Variants in MUC13 observed in about 807,000 individuals in gnomAD.
The protein encoded by MUC13 is mucin-13.
Under a neutral mutation model 48.3 loss-of-function variants are expected in MUC13, and 32 were observed. The ratio of observed to expected loss-of-function variants is 0.66; its 90% CI spans 0.50 to 0.89. MUC13 has a LOEUF of 0.89. Ranked by LOEUF, MUC13 falls within the 40% of genes least tolerant of loss-of-function variation. The pLI, the probability that MUC13 is intolerant of heterozygous loss-of-function variation, is 0.00. For missense variants in MUC13, 571 were observed against 622.8 expected (o/e 0.92, Z 0.88); for synonymous variants, 199 against 224.9 (o/e 0.88, Z 1.03).
chr3:124,910,173 T>G (rs1202127356), intron 10 of MUC13, among the ~76,000 whole-genome samples: 1 of 152,156 alleles, frequency 6.6e-6, no homozygotes, highest in Non-Finnish European at 1.5e-5. Flanking sequence ...TCCCTTCTCT[T>G]GCCCAGGAGA....
chr3:124,913,777 C>A, intron 6 of MUC13, 96 bp from the exon 7 acceptor site: 1 of 1,470,672 alleles, frequency 6.8e-7, no homozygotes, highest in Non-Finnish European at 9.4e-7. Context: ...TTATACTTTG[C>A]CTTTTAATAA....
chr3:124,922,328 G>A (rs754017140), intron 3 of MUC13, 25 bp from the exon 4 acceptor site: 1 of 1,604,540 alleles, frequency 6.2e-7, no homozygotes, highest in Non-Finnish European at 8.5e-7. Context: ...GAATCTTTCT[G>A]TACTATTTGA....
chr3:124,916,548 C>T lies in MUC13; in HGVS notation c.801-68G>A, dbSNP rs921842707. 11 of 1,497,992 alleles carry T rather than the reference C, an allele frequency of 7.3e-6. No individual in the cohort carries two copies. The African/African-American group carries it at 1.3e-4, about 17-fold the overall frequency. 92.8% of individuals were successfully genotyped at this position (1,497,992 alleles called of 1,614,324 possible). On this transcript the variant is annotated intron_variant, in intron 5 of 11. Transcript: ENST00000616727. ...GAATCAACAAATAATTCTAATCTCC[C>T]AGACTCCCGAATCTCCCGGCCCTAG...
intron 10 of MUC13, among the ~76,000 whole-genome samples, chr3:124,909,485 C>CATGTGT (rs372823172): frequency 0.014 from 2,008 of 148,440 alleles, 51 homozygotes; most frequent in African/African-American, 0.046. Flanking sequence ...TGTGTGCTTG[C>CATGTGT]GTGTGTGTGT....
Position 124,916,322 on chromosome 3 carries a change from T to C in MUC13, c.959A>G (p.Tyr320Cys), listed in dbSNP as rs1210140254. ...TAAAATTATACAATACTTACAATCA[T>C]AGTTTAGAAAGTTGCTTGAGCTACT... ...IRSSSSNFLN[Y>C]DLTLRCDYYG... is the part of the protein sequence containing the mutation. Residue 320 changes from tyrosine (Y) to cysteine (C), a missense_variant, in exon 6 of 12, where the codon TAT becomes TGT. Physicochemically the swap from Tyr to Cys is radical, Grantham distance 194 (BLOSUM62 -2). Coordinates refer to ENST00000616727, the MANE Select transcript of MUC13 (RefSeq NM_033049.4). 6.2e-7 allele frequency: 1 copy of C among 1,608,974 alleles called. No homozygotes were observed. The highest frequency in any genetic ancestry group is 1.3e-5 in the African/African-American group (1 of 74,710).
intron 1 of MUC13, among the ~76,000 whole-genome samples, chr3:124,928,240 T>A (rs1415246030): frequency 1.3e-5 from 2 of 151,398 alleles, no homozygotes; most frequent in Non-Finnish European, 2.9e-5. Context: ...TCTGGAAAAA[T>A]GAAAATATAT....
At chr3:124,920,799 C>A (rs910782107) in intron 4 of MUC13, among the ~76,000 whole-genome samples, 5 of 152,220 alleles carry the variant, frequency 3.3e-5, no homozygotes, top group Admixed American at 2.6e-4. Flanking sequence ...GGAAGTAGGA[C>A]CACATTGATG....
Position 124,927,606 on chromosome 3 carries a change from G to A in MUC13, c.440C>T (p.Thr147Ile). The A allele has an allele frequency of 1.2e-6, 2 of 1,614,238 alleles. No homozygotes were observed. The highest frequency in any genetic ancestry group is 1.7e-6 in the Non-Finnish European group (2 of 1,180,044). The stretch of plus-strand genomic sequence containing the variant: ...CCCTGATGATTGATTGTCTTCTGTG[G>A]TGGGGGACATTTCATTGTTACTTTG... ...ETQSNNEMSP[T>I]TEDNQSSGPP... The change falls in exon 2 of 12, where the codon ACC becomes ATC. Residue 147 changes from threonine to isoleucine, a missense_variant. Transcript: ENST00000616727.
At chr3:124,916,032 G>C (rs1377837561) in intron 6 of MUC13, among the ~76,000 whole-genome samples, 1 of 152,178 alleles carries the variant, frequency 6.6e-6, no homozygotes, top group Non-Finnish European at 1.5e-5. Context: ...ATAAAGCCCT[G>C]TTGTTTCTCC....
intron 2 of MUC13, among the ~76,000 whole-genome samples, chr3:124,924,361 A>C (rs912589644): frequency 6.6e-6 from 1 of 152,162 alleles, no homozygotes; most frequent in Non-Finnish European, 1.5e-5. Context: ...AACTGATGAG[A>C]TCTGAGGAGG....
At chr3:124,922,540 ATTTTT>A (rs968988193) in intron 3 of MUC13, among the ~76,000 whole-genome samples, 1 of 114,490 alleles carries the variant, frequency 8.7e-6, no homozygotes, top group South Asian at 2.6e-4. Context: ...TTTATGCCAT[ATTTTT>A]TTTCTTCTTA....
intron 1 of MUC13, among the ~76,000 whole-genome samples, chr3:124,929,599 C>T (rs1279964055): frequency 1.3e-5 from 2 of 152,140 alleles, no homozygotes; most frequent in Non-Finnish European, 2.9e-5. Context: ...ATTGCTCTTC[C>T]TAGGTAAGAA....
At chr3:124,913,412 G>T (rs980230113) in intron 7 of MUC13, 150 bp downstream of exon 7, 2 of 1,440,006 alleles carry the variant, frequency 1.4e-6, no homozygotes, top group African/African-American at 1.4e-5. Context: ...GCTAGCAAAG[G>T]TCCCAGCCAT....
chr3:124,916,479 T>C lies in MUC13; in HGVS notation c.802A>G (p.Thr268Ala). 6.2e-7 allele frequency: 1 copy of C among 1,608,676 alleles called. No individual in the cohort carries two copies. Among genetic ancestry groups the C allele is most frequent in the Non-Finnish European group, 8.5e-7 (1 of 1,177,066 alleles). ...YGQTVILTVS[T>A]SLSPRSEMRA... ...ATTTCAGATCTTGGTGACAGAGATG[T>C]GCTAAAAATGAGATGAATCTGTCAC... The change falls in exon 6 of 12, where the codon ACA becomes GCA. Residue 268 changes from threonine to alanine, a missense_variant and splice_region_variant. Transcript: ENST00000616727.
chr3:124,910,133 T>G (rs1478550355), intron 10 of MUC13, among the ~76,000 whole-genome samples: 2 of 152,152 alleles, frequency 1.3e-5, no homozygotes, highest in Non-Finnish European at 2.9e-5. Flanking sequence ...GGAAAAAAAG[T>G]CAGTGGTACT....
At chr3:124,922,041 C>T (rs1935604100) in intron 4 of MUC13, among the ~76,000 whole-genome samples, 156 bp downstream of exon 4, 1 of 152,184 alleles carries the variant, frequency 6.6e-6, no homozygotes, top group Non-Finnish European at 1.5e-5. Context: ...GCGCTCAGGA[C>T]AGCTGCTGTT....
intron 6 of MUC13, among the ~76,000 whole-genome samples, chr3:124,914,645 G>A (rs1244696042): frequency 2.0e-5 from 3 of 152,108 alleles, no homozygotes; most frequent in Admixed American, 1.3e-4. Context: ...AGTGTTTTCC[G>A]GCCAGGTATG....
At chr3:124,922,173 A>G in intron 4 of MUC13, 24 bp downstream of exon 4, 1 of 1,613,286 alleles carries the variant, frequency 6.2e-7, no homozygotes, top group Non-Finnish European at 8.5e-7. Context: ...TGCTTTACAG[A>G]AAGGAAAGTT....
At chr3:124,930,463 A>C (rs1408104085) in intron 1 of MUC13, among the ~76,000 whole-genome samples, 1 of 152,190 alleles carries the variant, frequency 6.6e-6, no homozygotes, top group Non-Finnish European at 1.5e-5. Flanking sequence ...CCCAGGCTTA[A>C]ATTATCTAGT....
Sources: gnomAD v4.1 joint callset for allele counts (sites outside exome capture counted in the v4.1 genomes callset) on GRCh38, gnomAD v4.1.1 for gene constraint, MANE v1.5 for transcripts, NCBI Gene and HGNC (gene_info 2026-07-23, HGNC 2026-07-21) for gene names.